GLIS3: variants seen among roughly 807,000 people sequenced by gnomAD.
GLIS3 encodes zinc finger protein GLIS3.
GLIS3 carries 53 observed loss-of-function variants against 78.6 expected under a neutral mutation model. That is an observed-to-expected ratio of 0.67 (90% CI 0.54 to 0.85). The LOEUF (loss-of-function observed/expected upper bound fraction) is 0.85, where lower values mean the gene tolerates loss of function less well. GLIS3 is among the 40% of genes least tolerant of loss of function. The pLI, the probability that GLIS3 is intolerant of heterozygous loss-of-function variation, is 0.00. For synonymous variants in GLIS3, 684 were observed against 509.9 expected, an observed-to-expected ratio of 1.34 and a Z score of -4.60; for missense variants, 1,703 against 1,231.1, an observed-to-expected ratio of 1.38 and a Z score of -5.74.
intron 6 of GLIS3, among the ~76,000 whole-genome samples, chr9:3,911,822 G>A (rs1353335357): frequency 6.6e-6 from 1 of 152,158 alleles, no homozygotes; most frequent in African/African-American, 2.4e-5. Context: ...TTAAACACAT[G>A]CTGCCATTTC....
intron 2 of GLIS3, among the ~76,000 whole-genome samples, chr9:4,160,866 C>T (rs1195070280): frequency 6.6e-6 from 1 of 152,066 alleles, no homozygotes; most frequent in African/African-American, 2.4e-5. Context: ...TGTCTCAATA[C>T]TCATTGTGTG....
chr9:4,368,193 C>A, the GLIS3 span, among the ~76,000 whole-genome samples: 6 of 152,318 alleles, frequency 3.9e-5, no homozygotes, highest in Admixed American at 3.9e-4. Context: ...AAAAGGACTT[C>A]TTTTAATGTT....
At chr9:4,390,671 T>C in the GLIS3 span, among the ~76,000 whole-genome samples, 1 of 152,162 alleles carries the variant, frequency 6.6e-6, no homozygotes, top group Non-Finnish European at 1.5e-5. Flanking sequence ...GAAATCACCT[T>C]TCTCTCAGGC....
intron 2 of GLIS3, among the ~76,000 whole-genome samples, chr9:4,187,914 T>C (rs1366634497): frequency 1.3e-5 from 2 of 151,974 alleles, no homozygotes; most frequent in African/African-American, 4.8e-5. Flanking sequence ...CATGGGGTTT[T>C]CTAGATATAC....
intron 4 of GLIS3, among the ~76,000 whole-genome samples, chr9:4,113,185 GTATTTT>G (rs1225111793): frequency 6.6e-6 from 1 of 151,566 alleles, no homozygotes; most frequent in East Asian, 1.9e-4. Flanking sequence ...ATATATATGC[GTATTTT>G]AATTTTAAAC....
the GLIS3 span, among the ~76,000 whole-genome samples, chr9:4,451,429 A>T: frequency 6.6e-6 from 1 of 152,226 alleles, no homozygotes; most frequent in African/African-American, 2.4e-5. Flanking sequence ...TGTCAATATT[A>T]GACAGATCAA....
chr9:4,456,740 C>G, the GLIS3 span, among the ~76,000 whole-genome samples: 2 of 152,154 alleles, frequency 1.3e-5, no homozygotes, highest in South Asian at 4.1e-4. Context: ...AACTTCAATA[C>G]TGTTGTGTTT....
At chr9:4,385,754 AAAG>A in the GLIS3 span, among the ~76,000 whole-genome samples, 4 of 15,462 alleles carry the variant, frequency 2.6e-4, no homozygotes, top group African/African-American at 7.4e-4. Context: ...AGAAAGAAAG[AAAG>A]AAAGAAAGAA....
intron 2 of GLIS3, among the ~76,000 whole-genome samples, chr9:4,198,656 A>T (rs1017241349): frequency 6.6e-6 from 1 of 152,244 alleles, no homozygotes. Flanking sequence ...ATAATTCAAG[A>T]AAATTTCCCC....
At chr9:4,371,137 A>G in the GLIS3 span, among the ~76,000 whole-genome samples, 2 of 152,236 alleles carry the variant, frequency 1.3e-5, no homozygotes, top group African/African-American at 4.8e-5. Flanking sequence ...TTAAAAATGC[A>G]TGCATAAACC....
chr9:4,176,916 G>A (rs1328060507), intron 2 of GLIS3, among the ~76,000 whole-genome samples: 1 of 152,232 alleles, frequency 6.6e-6, no homozygotes, highest in Non-Finnish European at 1.5e-5. Flanking sequence ...AAGCCACCAT[G>A]CCCGGCCTCT....
intron 4 of GLIS3, among the ~76,000 whole-genome samples, chr9:4,026,430 T>C (rs575193929): frequency 1.3e-5 from 2 of 152,336 alleles, no homozygotes; most frequent in South Asian, 2.1e-4. Context: ...CACTGAAGTA[T>C]GAAAGCTCAA....
intron 4 of GLIS3, among the ~76,000 whole-genome samples, chr9:3,976,532 T>C (rs1818802225): frequency 6.6e-6 from 1 of 151,550 alleles, no homozygotes; most frequent in African/African-American, 2.4e-5. Context: ...CCTTTCTAAG[T>C]ATGAGTAGGA....
At chr9:4,132,741 G>A (rs1405677932) in intron 2 of GLIS3, among the ~76,000 whole-genome samples, 1 of 152,094 alleles carries the variant, frequency 6.6e-6, no homozygotes, top group Non-Finnish European at 1.5e-5. Context: ...CATATAAAAT[G>A]ATATTCTTAA....
At chr9:4,351,643 A>G (rs965413577), upstream of GLIS3, among the ~76,000 whole-genome samples, 1 of 152,216 alleles carries the variant, frequency 6.6e-6, no homozygotes, top group Non-Finnish European at 1.5e-5. Context: ...GTAATGATGA[A>G]CATCAAATGA....
intron 2 of GLIS3, among the ~76,000 whole-genome samples, chr9:4,220,365 A>C (rs990080230): frequency 1.3e-5 from 2 of 152,250 alleles, no homozygotes; most frequent in African/African-American, 4.8e-5. Flanking sequence ...CTTATTAATC[A>C]CTTGTAAATT....
At chr9:4,358,293 T>G in the GLIS3 span, among the ~76,000 whole-genome samples, 1 of 151,766 alleles carries the variant, frequency 6.6e-6, no homozygotes, top group Non-Finnish European at 1.5e-5. Flanking sequence ...TCGATTTTTT[T>G]TAACCATGGC....
chr9:3,942,126 C>T (rs1815970503), intron 4 of GLIS3, among the ~76,000 whole-genome samples: 1 of 152,180 alleles, frequency 6.6e-6, no homozygotes, highest in African/African-American at 2.4e-5. Flanking sequence ...AGTTCATATT[C>T]AAAGCAGTAG....
intron 2 of GLIS3, among the ~76,000 whole-genome samples, chr9:4,193,529 G>C (rs1818519590): frequency 6.6e-6 from 1 of 152,200 alleles, no homozygotes; most frequent in Non-Finnish European, 1.5e-5. Context: ...ATAGACAGCT[G>C]AGAAAATGAC....
Sources: allele counts gnomAD v4.1 joint callset (sites outside exome capture counted in the v4.1 genomes callset), GRCh38; gene constraint gnomAD v4.1.1; transcripts MANE v1.5; gene names NCBI Gene and HGNC (gene_info 2026-07-23, HGNC 2026-07-21).